The following RBPJ variants were observed in gnomAD, a reference collection of about 807,000 sequenced individuals.
RBPJ encodes the protein recombination signal binding protein for immunoglobulin kappa J region, also known as recombining binding protein suppressor of hairless.
In RBPJ, 9 loss-of-function variants were observed where a neutral mutation model predicts 67.8. That is an observed-to-expected ratio of 0.13 (90% confidence interval 0.08 to 0.23). RBPJ has a LOEUF of 0.23. Ranked by LOEUF, RBPJ falls within the 10% of genes least tolerant of loss-of-function variation. RBPJ has a pLI of 1.00. For synonymous variants in RBPJ, 198 were observed against 203.3 expected, an observed-to-expected ratio of 0.97 and a Z score of 0.22; for missense variants, 305 against 595.6, an observed-to-expected ratio of 0.51 and a Z score of 5.08.
At chr4:26,282,518 T>C (rs112092036) in intron 1 of RBPJ, among the ~76,000 whole-genome samples, 3 of 148,002 alleles carry the variant, frequency 2.0e-5, no homozygotes, top group African/African-American at 7.9e-5. Flanking sequence ...ATTTCTTTTT[T>C]TTTTCTTTTT....
At chr4:26,373,036 T>C (rs1729326590) in intron 1 of RBPJ, among the ~76,000 whole-genome samples, 1 of 152,196 alleles carries the variant, frequency 6.6e-6, no homozygotes, top group Non-Finnish European at 1.5e-5. Context: ...TTCTTCAAAG[T>C]GGTTTTCATT....
Position 26,292,545 on chromosome 4 carries a change from C to T in RBPJ, c.-166-69901C>T, listed in dbSNP as rs550245850. On this transcript the variant is annotated intron_variant, in intron 1 of 4. Coordinates refer to the RBPJ transcript ENST00000512351. ...AAGCGATTCTCCTGTCTCAGCCTCC[C>T]GAGTAGCTGGGATTACAGCCGCCCA... 2.9e-4 allele frequency among the ~76,000 whole-genome samples: 44 copies of T among 150,472 alleles called. 2 individuals are homozygous for T. Among genetic ancestry groups the T allele is most frequent in the Non-Finnish European group, 4.1e-4 (28 of 67,482 alleles).
In RBPJ at chr4:26,306,438, AATTATT is replaced by A. The variant is rs556823125; in HGVS notation, c.-166-55983_-166-55978del. ...TAGTTTTCTTATCATTTATTTGGAG[AATTATT>A]ATTATTATTATTATTATTATTATTT... On this transcript the variant is annotated intron_variant, in intron 1 of 4. Transcript: ENST00000512351. Among the ~76,000 whole-genome samples the A allele has an allele frequency of 2.2e-3, 326 of 147,176 alleles. 1 individual carries two copies. The highest frequency in any genetic ancestry group is 3.6e-3 in the Non-Finnish European group (241 of 67,068).
At chr4:26,283,677 T>C (rs1357428906) in intron 1 of RBPJ, among the ~76,000 whole-genome samples, 4 of 151,642 alleles carry the variant, frequency 2.6e-5, no homozygotes, top group Non-Finnish European at 5.9e-5. Flanking sequence ...GACGGTGTCT[T>C]GCTCTGTCGC....
intron 1 of RBPJ, among the ~76,000 whole-genome samples, chr4:26,385,433 G>A (rs537739544): frequency 1.3e-5 from 2 of 152,274 alleles, no homozygotes; most frequent in Middle Eastern, 6.8e-3. Context: ...AGAAAGTCAA[G>A]TAACTTCAGG....
chr4:26,390,899 A>G (rs1464838303), intron 2 of RBPJ, among the ~76,000 whole-genome samples: 1 of 152,036 alleles, frequency 6.6e-6, no homozygotes, highest in African/African-American at 2.4e-5. Flanking sequence ...TACAAATAAT[A>G]AAAAAAATTA....
At chr4:26,355,818 C>T (rs1413810893) in intron 1 of RBPJ, among the ~76,000 whole-genome samples, 2 of 152,172 alleles carry the variant, frequency 1.3e-5, no homozygotes, top group African/African-American at 2.4e-5. Context: ...CACCATAGCT[C>T]ATGTAACAGG....
At chr4:26,357,310 A>G (rs1382644001) in intron 1 of RBPJ, among the ~76,000 whole-genome samples, 1 of 152,210 alleles carries the variant, frequency 6.6e-6, no homozygotes, top group East Asian at 1.9e-4. Flanking sequence ...GGCATTAGAA[A>G]TAAAAGAAAG....
intron 1 of RBPJ, among the ~76,000 whole-genome samples, chr4:26,364,585 T>C (rs531967568): frequency 8.0e-4 from 121 of 151,780 alleles, no homozygotes; most frequent in African/African-American, 2.7e-3. Context: ...GAAGTCCTGT[T>C]CTATTTGGAA....
At chr4:26,373,510 T>C (rs1306419158) in intron 1 of RBPJ, among the ~76,000 whole-genome samples, 1 of 152,218 alleles carries the variant, frequency 6.6e-6, no homozygotes, top group African/African-American at 2.4e-5. Flanking sequence ...TGTCAAAGGC[T>C]TGGCTGCTAA....
intron 1 of RBPJ, among the ~76,000 whole-genome samples, chr4:26,236,515 G>A (rs1719458739): frequency 6.6e-6 from 1 of 152,092 alleles, no homozygotes; most frequent in Admixed American, 6.6e-5. Flanking sequence ...TCCAAGGTGG[G>A]GCACTCACAT....
the RBPJ span, among the ~76,000 whole-genome samples, chr4:26,126,589 T>A: frequency 3.3e-5 from 5 of 152,220 alleles, no homozygotes; most frequent in African/African-American, 1.2e-4. Flanking sequence ...TGGTGGCAGG[T>A]CAAACTAATG....
At chr4:26,193,797 A>G (rs1056240784) in intron 1 of RBPJ, among the ~76,000 whole-genome samples, 11 of 151,996 alleles carry the variant, frequency 7.2e-5, no homozygotes, top group Admixed American at 7.2e-4. Context: ...GCCCCCTCTT[A>G]TGCTCAGAAT....
upstream of RBPJ, among the ~76,000 whole-genome samples, chr4:26,163,088 G>A (rs999266663): frequency 4.6e-5 from 7 of 152,112 alleles, no homozygotes; most frequent in Non-Finnish European, 8.8e-5. Flanking sequence ...TGATGGTGAA[G>A]GCCTCACCTA....
At chr4:26,384,826 C>T (rs1311668133) in intron 1 of RBPJ, among the ~76,000 whole-genome samples, 3 of 73,562 alleles carry the variant, frequency 4.1e-5, no homozygotes, top group Non-Finnish European at 8.2e-5. Context: ...CCCTCTCCCC[C>T]TCCCCTCTCA....
At chr4:26,126,361 G>A in the RBPJ span, among the ~76,000 whole-genome samples, 1 of 152,148 alleles carries the variant, frequency 6.6e-6, no homozygotes, top group Non-Finnish European at 1.5e-5. Flanking sequence ...CCCCTTTTCG[G>A]GGAATCCCCC....
chr4:26,169,234 T>C (rs1357939112), intron 1 of RBPJ, among the ~76,000 whole-genome samples: 1 of 152,202 alleles, frequency 6.6e-6, no homozygotes, highest in Non-Finnish European at 1.5e-5. Context: ...GATGGTGATG[T>C]ACAGATGGGT....
At chr4:26,213,660 C>T (rs1339152675) in intron 1 of RBPJ, among the ~76,000 whole-genome samples, 3 of 152,172 alleles carry the variant, frequency 2.0e-5, no homozygotes, top group Non-Finnish European at 4.4e-5. Flanking sequence ...GGATTTGCTT[C>T]TAACTGCAAT....
At chr4:26,396,845 A>G (rs1732170105) in intron 2 of RBPJ, among the ~76,000 whole-genome samples, 1 of 152,236 alleles carries the variant, frequency 6.6e-6, no homozygotes. Context: ...TTTCCTTAGG[A>G]ACAGGACCTG....
Sources: allele counts gnomAD v4.1 joint callset (sites outside exome capture counted in the v4.1 genomes callset), GRCh38; gene constraint gnomAD v4.1.1; transcripts MANE v1.5; gene names NCBI Gene and HGNC (gene_info 2026-07-23, HGNC 2026-07-21).